Variants in MALRD1 observed in about 807,000 individuals in gnomAD.
The protein encoded by MALRD1 is MAM and LDL-receptor class A domain-containing protein 1.
MALRD1 carries 247 observed loss-of-function variants against 242.1 expected under a neutral mutation model. That is an observed-to-expected ratio of 1.02 (90% CI 0.92 to 1.13). The LOEUF (loss-of-function observed/expected upper bound fraction) is 1.13, where lower values mean the gene tolerates loss of function less well. Ranked by LOEUF, MALRD1 falls within the 50% of genes most tolerant of loss-of-function variation. The pLI, the probability that MALRD1 is intolerant of heterozygous loss-of-function variation, is 0.00. For missense variants in MALRD1, 2,989 were observed against 2,533.1 expected, an observed-to-expected ratio of 1.18 and a Z score of -3.86; for synonymous variants, 995 against 866.6, an observed-to-expected ratio of 1.15 and a Z score of -2.60.
At chr10:19,400,520 G>T (rs935828600) in intron 28 of MALRD1, among the ~76,000 whole-genome samples, 1 of 152,140 alleles carries the variant, frequency 6.6e-6, no homozygotes, top group Non-Finnish European at 1.5e-5. Flanking sequence ...GTAGCTTAGT[G>T]CCTAGCACAT....
chr10:19,170,786 C>G (rs1027332239), intron 13 of MALRD1, among the ~76,000 whole-genome samples: 5 of 152,094 alleles, frequency 3.3e-5, no homozygotes, highest in African/African-American at 1.2e-4. Flanking sequence ...CCAATTACTT[C>G]TATTCTCTAA....
At chr10:19,588,620 C>A (rs1037076988) in intron 33 of MALRD1, among the ~76,000 whole-genome samples, 1 of 152,130 alleles carries the variant, frequency 6.6e-6, no homozygotes, top group African/African-American at 2.4e-5. Context: ...CACTGATTCC[C>A]TAAATTCTAA....
chr10:19,410,463 G>A (rs1833231112), intron 28 of MALRD1, among the ~76,000 whole-genome samples: 1 of 152,092 alleles, frequency 6.6e-6, no homozygotes, highest in African/African-American at 2.4e-5. Flanking sequence ...GCTGTAGTCA[G>A]GCATTTCAAA....
rs1284674311 is a variant in MALRD1, at chr10:19,094,248, C to T, written c.597+6063C>T. ...GCTGTGCTAGCAATCAGCGAGATTC[C>T]GTGGGCATAGGACCCTCTGAGCCAG... On this transcript the variant is annotated intron_variant, in intron 4 of 39. Coordinates refer to ENST00000454679, the MANE Select transcript of MALRD1 (RefSeq NM_001142308.3). Among the ~76,000 whole-genome samples the T allele has an allele frequency of 2.0e-5, 2 of 100,120 alleles. 1 individual carries two copies. The highest frequency in any genetic ancestry group is 9.1e-5 in the African/African-American group (2 of 22,014). 65.7% of individuals were successfully genotyped at this position (100,120 alleles called of 152,430 possible).
intron 18 of MALRD1, among the ~76,000 whole-genome samples, chr10:19,230,629 A>G (rs1214773981): frequency 6.6e-6 from 1 of 152,198 alleles, no homozygotes; most frequent in Non-Finnish European, 1.5e-5. Flanking sequence ...TGAAGGGGAC[A>G]AACATCCAAA....
intron 32 of MALRD1, among the ~76,000 whole-genome samples, chr10:19,532,253 T>A (rs990824081): frequency 6.6e-6 from 1 of 152,180 alleles, no homozygotes; most frequent in Non-Finnish European, 1.5e-5. Context: ...TGATATCTTT[T>A]TTTTGGTGGG....
At position 19,530,420 on chromosome 10, in the gene MALRD1, TAA is replaced by T. The variant is rs1441439924; in HGVS notation, c.5321-772_5321-771del. Among the ~76,000 whole-genome samples, 289 of 32,700 alleles carry T rather than the reference TAA, an allele frequency of 8.8e-3. 25 individuals are homozygous for T. The East Asian group carries it at 0.14, about 16-fold the overall frequency. The allele number at this position is 32,700 out of a possible 152,430, so 21.5% of individuals were successfully genotyped here. Reference sequence around the variant, plus strand: ...TAAATATTATATATTTATATAATAATAAATATATAATATATATAATATATAAT... The same window carrying T: ...TAAATATTATATATTTATATAATAATATATATAATATATATAATATATAAT... On this transcript the variant is annotated intron_variant, in intron 31 of 39. Coordinates refer to ENST00000454679, the MANE Select transcript of MALRD1 (RefSeq NM_001142308.3).
intron 2 of MALRD1, among the ~76,000 whole-genome samples, chr10:19,067,650 C>G (rs184293528): frequency 1.3e-5 from 2 of 152,092 alleles, no homozygotes; most frequent in South Asian, 4.1e-4. Flanking sequence ...GCAGATTAGA[C>G]TCCCTGGTCT....
In MALRD1 at chr10:19,247,165, G is replaced by C. The variant is rs547452339; in HGVS notation, c.2992-10519G>C. Among the ~76,000 whole-genome samples, 3 of 152,130 alleles carry C rather than the reference G, an allele frequency of 2.0e-5. No homozygotes were observed. The South Asian group carries it at 6.2e-4, about 32-fold the overall frequency. On this transcript the variant is annotated intron_variant, in intron 18 of 39. Transcript: ENST00000454679. ...AAGATCCAGAAAGTTCTTGCAAATG[G>C]AGTTTTTTTAAATAGAAAAGCCAAA...
chr10:19,242,772 A>G (rs1392312361), intron 18 of MALRD1, among the ~76,000 whole-genome samples: 1 of 152,000 alleles, frequency 6.6e-6, no homozygotes, highest in Non-Finnish European at 1.5e-5. Flanking sequence ...ATTTGTTTGC[A>G]TAAAATATAT....
At chr10:19,348,105 C>T in intron 25 of MALRD1, 87 bp downstream of exon 25, 1 of 1,440,476 alleles carries the variant, frequency 6.9e-7, no homozygotes, top group Non-Finnish European at 9.2e-7. Context: ...AACAGAGTGG[C>T]TGGGGCCAGA....
intron 32 of MALRD1, among the ~76,000 whole-genome samples, chr10:19,543,607 C>G (rs1835081045): frequency 6.6e-6 from 1 of 151,880 alleles, no homozygotes; most frequent in Non-Finnish European, 1.5e-5. Flanking sequence ...GTTATCTCTT[C>G]AAACTGCTTG....
chr10:19,271,772 T>G (rs1389701952), intron 19 of MALRD1, among the ~76,000 whole-genome samples: 1 of 152,044 alleles, frequency 6.6e-6, no homozygotes, highest in Non-Finnish European at 1.5e-5. Flanking sequence ...CAAAAAAATA[T>G]AAAAGTTAAC....
chr10:19,594,505 G>A (rs1235598324), intron 33 of MALRD1, among the ~76,000 whole-genome samples: 3 of 152,020 alleles, frequency 2.0e-5, no homozygotes, highest in East Asian at 1.9e-4. Context: ...CCACAAAAAA[G>A]TTATTATATG....
At chr10:19,248,049 C>A (rs745833126) in intron 18 of MALRD1, among the ~76,000 whole-genome samples, 1 of 151,950 alleles carries the variant, frequency 6.6e-6, no homozygotes, top group Non-Finnish European at 1.5e-5. Flanking sequence ...AAGGCCTTTG[C>A]TTTAAATGAA....
chr10:19,321,711 A>G (rs1343628200), intron 21 of MALRD1, among the ~76,000 whole-genome samples: 1 of 152,138 alleles, frequency 6.6e-6, no homozygotes, highest in Admixed American at 6.6e-5. Flanking sequence ...GATTTATCAA[A>G]CACTAGATCT....
intron 33 of MALRD1, among the ~76,000 whole-genome samples, chr10:19,589,176 A>AAGAT (rs1308411513): frequency 6.6e-6 from 1 of 152,116 alleles, no homozygotes; most frequent in Non-Finnish European, 1.5e-5. Context: ...ATATTGGTCC[A>AAGAT]AGATAGATAG....
At chr10:19,714,575 TC>T in intron 38 of MALRD1, among the ~76,000 whole-genome samples, 1 of 152,208 alleles carries the variant, frequency 6.6e-6, no homozygotes, top group Non-Finnish European at 1.5e-5. Context: ...CTCACCTACG[TC>T]CGTGGGCACA....
At chr10:19,179,991 A>T (rs1469501107) in intron 14 of MALRD1, among the ~76,000 whole-genome samples, 1 of 152,210 alleles carries the variant, frequency 6.6e-6, no homozygotes, top group Admixed American at 6.5e-5. Context: ...AGAAGAAAAA[A>T]AAAGAAGGTT....
Sources: gnomAD v4.1 joint callset for allele counts (sites outside exome capture counted in the v4.1 genomes callset) on GRCh38, gnomAD v4.1.1 for gene constraint, MANE v1.5 for transcripts, NCBI Gene and HGNC (gene_info 2026-07-23, HGNC 2026-07-21) for gene names.